Variants in CRYBG1 observed in about 807,000 individuals in gnomAD.
CRYBG1 encodes beta/gamma crystallin domain-containing protein 1.
CRYBG1 carries 139 observed loss-of-function variants against 189.2 expected under a neutral mutation model. That is an observed-to-expected ratio of 0.73 (90% confidence interval 0.64 to 0.85). The LOEUF is 0.85. Among genes scored for constraint, CRYBG1 ranks in the 40% least tolerant of loss-of-function variants. The pLI, the probability that CRYBG1 is intolerant of heterozygous loss-of-function variation, is 0.00. For synonymous variants in CRYBG1, 1,023 were observed against 1,017.1 expected, an observed-to-expected ratio of 1.01 and a Z score of -0.11; for missense variants, 2,611 against 2,675.8, an observed-to-expected ratio of 0.98 and a Z score of 0.53.
intron 2 of CRYBG1, among the ~76,000 whole-genome samples, chr6:106,471,329 C>T (rs1274889605): frequency 1.3e-5 from 2 of 152,198 alleles, no homozygotes; most frequent in Non-Finnish European, 2.9e-5. Flanking sequence ...AAAGGAAGTA[C>T]TCCAGCACAA....
chr6:106,560,404 C>T (rs1774681401), intron 18 of CRYBG1, among the ~76,000 whole-genome samples: 1 of 152,130 alleles, frequency 6.6e-6, no homozygotes, highest in South Asian at 2.1e-4. Flanking sequence ...TCACTGCAGA[C>T]AAAACTTTTT....
intron 6 of CRYBG1, among the ~76,000 whole-genome samples, chr6:106,526,514 G>T (rs1773741057): frequency 6.6e-6 from 1 of 152,018 alleles, no homozygotes; most frequent in Admixed American, 6.6e-5. Context: ...TTTAGTGTTT[G>T]GCTGTTGTTG....
At chr6:106,480,957 T>C (rs13204581) in intron 2 of CRYBG1, among the ~76,000 whole-genome samples, 6 of 116,540 alleles carry the variant, frequency 5.1e-5, no homozygotes, top group Non-Finnish European at 8.5e-5. Context: ...GGTGACAGAG[T>C]GAGACTCTGT....
intron 1 of CRYBG1, among the ~76,000 whole-genome samples, chr6:106,385,662 A>G (rs1770372485): frequency 6.6e-6 from 1 of 152,178 alleles, no homozygotes; most frequent in African/African-American, 2.4e-5. Context: ...ACGTCGGTAG[A>G]CTCGTCAACC....
At position 106,484,989 on chromosome 6, in the gene CRYBG1, T is replaced by TA. The variant is rs996615547; in HGVS notation, c.313-26432dup. On this transcript the variant is annotated intron_variant, in intron 2 of 21. Transcript: ENST00000633556. ...CTGGGCAAAAGAGCAAGACCCTATTTAAAAAAAAAGGTGGGGGGGATTTCT... is the reference window on the plus strand; with the variant it reads ...CTGGGCAAAAGAGCAAGACCCTATTTAAAAAAAAAAGGTGGGGGGGATTTCT... 1.4e-3 allele frequency among the ~76,000 whole-genome samples: 206 copies of TA among 151,166 alleles called. 2 individuals are homozygous for TA. Among genetic ancestry groups the TA allele is most frequent in the African/African-American group, 4.1e-3 (170 of 41,266 alleles).
At chr6:106,514,043 T>C (rs953327844) in intron 3 of CRYBG1, among the ~76,000 whole-genome samples, 1 of 152,192 alleles carries the variant, frequency 6.6e-6, no homozygotes, top group African/African-American at 2.4e-5. Flanking sequence ...CAAGATGATA[T>C]CTGATGAAAC....
intron 1 of CRYBG1, among the ~76,000 whole-genome samples, chr6:106,390,734 A>G (rs768841684): frequency 1.3e-5 from 2 of 152,154 alleles, no homozygotes; most frequent in Non-Finnish European, 2.9e-5. Flanking sequence ...AGAGTCATTC[A>G]TATTTTGAAT....
intron 1 of CRYBG1, among the ~76,000 whole-genome samples, chr6:106,383,528 C>G (rs967210941): frequency 6.6e-6 from 1 of 152,126 alleles, no homozygotes; most frequent in Admixed American, 6.5e-5. Flanking sequence ...TCAATCCTTT[C>G]ATAAATGTAA....
At chr6:106,514,026 A>G (rs1277190170) in intron 3 of CRYBG1, among the ~76,000 whole-genome samples, 1 of 152,240 alleles carries the variant, frequency 6.6e-6, no homozygotes, top group Admixed American at 6.5e-5. Flanking sequence ...CAAATCAAAT[A>G]ACAATACAAG....
intron 1 of CRYBG1, among the ~76,000 whole-genome samples, chr6:106,418,996 C>T (rs1771077579): frequency 6.6e-6 from 1 of 152,172 alleles, no homozygotes. Flanking sequence ...ATAAGCTGGC[C>T]ACCCTACCCT....
At chr6:106,416,572 A>G (rs537075506) in intron 1 of CRYBG1, among the ~76,000 whole-genome samples, 2 of 152,356 alleles carry the variant, frequency 1.3e-5, no homozygotes, top group African/African-American at 4.8e-5. Context: ...TTCAGAATAT[A>G]TTGCCCAATG....
At chr6:106,559,368 G>C (rs1774643731) in intron 18 of CRYBG1, among the ~76,000 whole-genome samples, 1 of 152,188 alleles carries the variant, frequency 6.6e-6, no homozygotes, top group Non-Finnish European at 1.5e-5. Flanking sequence ...ATATAAAAAT[G>C]AATGAGTACC....
intron 2 of CRYBG1, among the ~76,000 whole-genome samples, chr6:106,453,874 CGCAG>C (rs1467360459): frequency 1.3e-5 from 2 of 152,124 alleles, no homozygotes; most frequent in Non-Finnish European, 2.9e-5. Context: ...GGCTTGAAGC[CGCAG>C]ATGAACTGGG....
intron 2 of CRYBG1, among the ~76,000 whole-genome samples, chr6:106,499,451 C>T (rs1772951084): frequency 6.6e-6 from 1 of 151,318 alleles, no homozygotes; most frequent in South Asian, 2.1e-4. Context: ...TGAGCCACCG[C>T]ACCCAGCCTG....
Position 106,519,567 on chromosome 6 carries a change from G to C in CRYBG1, c.2359G>C (p.Ala787Pro). The C allele has an allele frequency of 6.2e-7, 1 of 1,614,222 alleles. No individual in the cohort carries two copies. The highest frequency in any genetic ancestry group is 1.1e-5 in the South Asian group (1 of 91,086). ...TCCTCAGCCTAACCAAGATGATAAA[G>C]CAGATGTACAAACAGATGCTGGCTG... is the stretch of plus-strand genomic sequence containing the variant. The part of the protein sequence containing the change: ...LGPQPNQDDK[A>P]DVQTDAGCLS... Residue 787 changes from alanine to proline, a missense_variant, in exon 4 of 22, where the codon GCA becomes CCA. Physicochemically the swap from Ala to Pro is conservative, Grantham distance 27 (BLOSUM62 -1). Coordinates refer to ENST00000633556, the MANE Select transcript of CRYBG1 (RefSeq NM_001371242.2).
At chr6:106,436,426 G>A (rs1771459736) in intron 1 of CRYBG1, among the ~76,000 whole-genome samples, 1 of 151,974 alleles carries the variant, frequency 6.6e-6, no homozygotes, top group African/African-American at 2.4e-5. Context: ...AGCCTCCCGA[G>A]TTGCTGGGAC....
At chr6:106,390,583 G>T (rs1253427097) in intron 1 of CRYBG1, among the ~76,000 whole-genome samples, 2 of 128,006 alleles carry the variant, frequency 1.6e-5, no homozygotes, top group East Asian at 5.8e-4. Context: ...GCTCTCTTGT[G>T]CACTCCCCCT....
Position 106,519,743 on chromosome 6 carries a change from A to C in CRYBG1, c.2535A>C (p.Lys845Asn), listed in dbSNP as rs149422761. 3.7e-6 allele frequency: 6 copies of C among 1,614,044 alleles called. No individual in the cohort carries two copies. Among genetic ancestry groups the C allele is most frequent in the African/African-American group, 1.3e-5 (1 of 74,902 alleles). Residue 845 changes from lysine to asparagine, a missense_variant, in exon 4 of 22, where the codon AAA becomes AAC. Physicochemically the swap from Lys to Asn is moderately conservative, Grantham distance 94. This residue lies in a region of CRYBG1 where 1,622 missense variants were observed against 1,735.0 expected (regional missense o/e 0.93). Coordinates refer to ENST00000633556, the MANE Select transcript of CRYBG1 (RefSeq NM_001371242.2). ...ACATCCCCACCACTGTGGATACCAA[A>C]GATTTACCTCCAACGGCCATGCCAA... ...AQDIPTTVDT[K>N]DLPPTAMPKP...
chr6:106,397,123 C>G (rs906796672), intron 1 of CRYBG1, among the ~76,000 whole-genome samples: 5 of 152,118 alleles, frequency 3.3e-5, no homozygotes, highest in Non-Finnish European at 7.4e-5. Flanking sequence ...TTTCCTCAAG[C>G]TTTACTAACG....
Sources: allele counts gnomAD v4.1 joint callset (sites outside exome capture counted in the v4.1 genomes callset), GRCh38; gene constraint gnomAD v4.1.1; regional missense constraint gnomAD v4.1.1; transcripts MANE v1.5; gene names NCBI Gene and HGNC (gene_info 2026-07-23, HGNC 2026-07-21).